The following PDE4D variants were observed in gnomAD, a reference collection of about 807,000 sequenced individuals.
PDE4D encodes 3',5'-cyclic-AMP phosphodiesterase 4D.
PDE4D carries 24 observed loss-of-function variants against 87.4 expected under a neutral mutation model. That is an observed-to-expected ratio of 0.27 (90% confidence interval 0.20 to 0.39). The LOEUF is 0.39. PDE4D is among the 10% of genes least tolerant of loss of function. PDE4D has a pLI of 1.00. For synonymous variants in PDE4D, 384 were observed against 383.2 expected (o/e 1.00, Z -0.02); for missense variants, 714 against 1,041.0 (o/e 0.69, Z 4.32).
chr5:60,087,329 C>G (rs753685041), intron 2 of PDE4D, among the ~76,000 whole-genome samples: 1 of 152,154 alleles, frequency 6.6e-6, no homozygotes, highest in African/African-American at 2.4e-5. Context: ...ACACAAGCAT[C>G]AACATAAAGA....
At chr5:59,864,427 C>A (rs1746723657) in intron 1 of PDE4D, among the ~76,000 whole-genome samples, 1 of 152,138 alleles carries the variant, frequency 6.6e-6, no homozygotes, top group Non-Finnish European at 1.5e-5. Flanking sequence ...CTTTTAAACA[C>A]CTGTCTGATT....
intron 1 of PDE4D, among the ~76,000 whole-genome samples, chr5:59,233,151 A>G (rs2153518066): frequency 6.6e-6 from 1 of 152,292 alleles, no homozygotes; most frequent in East Asian, 1.9e-4. Context: ...ATATATTTCA[A>G]AATAGCCAGA....
intron 1 of PDE4D, among the ~76,000 whole-genome samples, chr5:60,357,521 C>T (rs1025678309): frequency 2.0e-5 from 3 of 152,088 alleles, no homozygotes; most frequent in African/African-American, 7.2e-5. Context: ...TTATCTTATC[C>T]TGGGACTAGA....
chr5:59,392,465 T>A (rs1038559866), intron 1 of PDE4D, among the ~76,000 whole-genome samples: 10 of 148,344 alleles, frequency 6.7e-5, no homozygotes, highest in Admixed American at 1.3e-4. Flanking sequence ...CGTGAGTTAA[T>A]ACTTAATAAA....
chr5:60,213,719 C>T (rs916422008), intron 1 of PDE4D, among the ~76,000 whole-genome samples: 5 of 152,114 alleles, frequency 3.3e-5, no homozygotes. Flanking sequence ...TCTGCTACAC[C>T]TTTACACAAT....
At position 59,725,252 on chromosome 5, in the gene PDE4D, T is replaced by C. The variant is rs568516021; in HGVS notation, c.455+167916A>G. ...CTCATGCCAGGACTCATATAGCCTT[T>C]AGCCTTTGCATTCTCCACACTGTTT... On this transcript the variant is annotated intron_variant, in intron 1 of 14. Transcript: ENST00000340635. Among the ~76,000 whole-genome samples the C allele has an allele frequency of 1.6e-3, 242 of 152,218 alleles. 1 individual carries two copies. The highest frequency in any genetic ancestry group is 2.7e-3 in the Non-Finnish European group (187 of 68,000).
intron 1 of PDE4D, among the ~76,000 whole-genome samples, chr5:60,334,014 C>T (rs1562333386): frequency 6.6e-6 from 1 of 152,222 alleles, no homozygotes; most frequent in Non-Finnish European, 1.5e-5. Context: ...TGCCCAATCA[C>T]TGATTCATTC....
At chr5:60,282,716 T>C (rs1451721901) in intron 1 of PDE4D, among the ~76,000 whole-genome samples, 2 of 152,156 alleles carry the variant, frequency 1.3e-5, no homozygotes, top group African/African-American at 2.4e-5. Flanking sequence ...AAGTTCATAT[T>C]GACAGGTTCC....
At chr5:59,073,288 T>TG (rs1486129935) in intron 5 of PDE4D, among the ~76,000 whole-genome samples, 1 of 152,042 alleles carries the variant, frequency 6.6e-6, no homozygotes, top group East Asian at 1.9e-4. Context: ...CCTGCTAAGC[T>TG]GGGGAATTCA....
chr5:59,323,142 A>G (rs1298262455), intron 1 of PDE4D, among the ~76,000 whole-genome samples: 2 of 152,086 alleles, frequency 1.3e-5, no homozygotes, highest in South Asian at 4.1e-4. Flanking sequence ...AATATGCTTC[A>G]TGTAGTGTAC....
At chr5:60,054,679 T>TA (rs71606622) in intron 2 of PDE4D, among the ~76,000 whole-genome samples, 42,495 of 150,866 alleles carry the variant, frequency 0.28, 6,789 homozygotes, top group East Asian at 0.73. Flanking sequence ...TAAAGTATAA[T>TA]AAAAAAAAAT....
chr5:60,176,169 A>G (rs1356511359), intron 2 of PDE4D, among the ~76,000 whole-genome samples: 2 of 152,118 alleles, frequency 1.3e-5, no homozygotes, highest in Non-Finnish European at 2.9e-5. Flanking sequence ...ATGCTAGCCC[A>G]TACTCAGCCT....
At chr5:58,984,467 A>C (rs539454499) in intron 11 of PDE4D, among the ~76,000 whole-genome samples, 1 of 152,374 alleles carries the variant, frequency 6.6e-6, no homozygotes, top group Admixed American at 6.5e-5. Context: ...TGAATAAAAT[A>C]ATCTCTGTAG....
intron 1 of PDE4D, among the ~76,000 whole-genome samples, chr5:59,372,450 A>G (rs1288498251): frequency 3.3e-5 from 5 of 152,258 alleles, no homozygotes; most frequent in Non-Finnish European, 5.9e-5. Context: ...AAAAAATTGT[A>G]TAAATTGAAG....
intron 1 of PDE4D, among the ~76,000 whole-genome samples, chr5:59,399,604 T>C (rs1223016488): frequency 7.5e-6 from 1 of 133,954 alleles, no homozygotes; most frequent in Non-Finnish European, 1.7e-5. Context: ...AAGACTTACA[T>C]GTTAGACCTA....
intron 2 of PDE4D, among the ~76,000 whole-genome samples, chr5:60,035,647 A>G (rs186719889): frequency 4.8e-4 from 73 of 152,278 alleles, no homozygotes; most frequent in Middle Eastern, 6.8e-3. Context: ...ATTTTTGAAA[A>G]TTTGTAGTGG....
At chr5:59,346,625 C>T (rs1318958760) in intron 1 of PDE4D, among the ~76,000 whole-genome samples, 7 of 152,050 alleles carry the variant, frequency 4.6e-5, no homozygotes, top group African/African-American at 7.2e-5. Flanking sequence ...AAAAACCTGA[C>T]GTTCCTTGTA....
intron 3 of PDE4D, among the ~76,000 whole-genome samples, chr5:59,985,878 T>C (rs946674089): frequency 6.6e-6 from 1 of 152,210 alleles, no homozygotes; most frequent in Non-Finnish European, 1.5e-5. Flanking sequence ...TACTATATTT[T>C]CCATTTGTGT....
chr5:59,893,424 G>T lies in PDE4D; in HGVS notation c.199C>A (p.Pro67Thr), dbSNP rs1316277460. 4.7e-6 allele frequency: 7 copies of T among 1,497,732 alleles called. No homozygotes were observed. Among genetic ancestry groups the T allele is most frequent in the Non-Finnish European group, 1.8e-6 (2 of 1,121,356 alleles). The allele number at this position is 1,497,732 out of a possible 1,614,324, so 92.8% of individuals were successfully genotyped here. Residue 67 changes from proline to threonine, a missense_variant, in exon 1 of 15, where the codon CCC becomes ACC. By Grantham distance (38) the Pro-to-Thr change is conservative. This residue lies in a region of PDE4D where 268 missense variants were observed against 272.9 expected (regional missense o/e 0.98). Coordinates refer to ENST00000340635, the MANE Select transcript of PDE4D (RefSeq NM_001104631.2). Reference sequence around the variant, plus strand: ...GGCTGTAGCGGACACTGGGGCTGGGGCTGGGGCGAGGGTGGCGGCGGCGGG... The same window carrying T: ...GGCTGTAGCGGACACTGGGGCTGGGTCTGGGGCGAGGGTGGCGGCGGCGGG... ...LPPPPPPSPQ[P>T]QPQCPLQPPP...
Sources: allele counts gnomAD v4.1 joint callset (sites outside exome capture counted in the v4.1 genomes callset), GRCh38; gene constraint gnomAD v4.1.1; regional missense constraint gnomAD v4.1.1; transcripts MANE v1.5; gene names NCBI Gene and HGNC (gene_info 2026-07-23, HGNC 2026-07-21).